IBTK: variants seen among roughly 807,000 people sequenced by gnomAD.
IBTK encodes BTK-binding protein.
A neutral mutation model predicts 154.9 loss-of-function variants in IBTK; 83 were observed. That is an observed-to-expected ratio of 0.54 (90% CI 0.45 to 0.64). IBTK has a LOEUF of 0.64. IBTK is among the 30% of genes least tolerant of loss of function. The pLI, the probability that IBTK is intolerant of heterozygous loss-of-function variation, is 0.00. For missense variants in IBTK, 1,332 were observed against 1,584.6 expected (o/e 0.84, Z 2.71); for synonymous variants, 515 against 536.1 (o/e 0.96, Z 0.54).
intron 3 of IBTK, among the ~76,000 whole-genome samples, chr6:82,233,281 C>T (rs1478938696): frequency 1.3e-5 from 2 of 151,938 alleles, no homozygotes; most frequent in African/African-American, 4.8e-5. Flanking sequence ...GAGCCGTGTT[C>T]TTGCCACTGC....
chr6:82,186,140 C>T (rs528030884), intron 25 of IBTK, among the ~76,000 whole-genome samples: 8 of 152,008 alleles, frequency 5.3e-5, no homozygotes, highest in Non-Finnish European at 1.2e-4. Flanking sequence ...TGTTTGTTTT[C>T]TGACTGTTAC....
chr6:82,214,334 C>T lies in IBTK; in HGVS notation c.2097G>A (p.Lys699=). ...CTTTTTTACAAGATTTAGGTTTGCT[C>T]TTCTGCCTCTCACTAACTGTTTGAG... ...NQAQTVSERQ[K]SKPKSCKKGK... The change falls in exon 12 of 29, where the codon AAG becomes AAA. Residue 699 remains lysine (K), a synonymous_variant. Coordinates refer to ENST00000306270, the MANE Select transcript of IBTK (RefSeq NM_015525.4). The T allele has an allele frequency of 6.2e-7, 1 of 1,614,072 alleles. No individual in the cohort carries two copies. Among genetic ancestry groups the T allele is most frequent in the Non-Finnish European group, 8.5e-7 (1 of 1,179,992 alleles).
At position 82,200,137 on chromosome 6, in the gene IBTK, G is replaced by A. The variant is rs1359987540; in HGVS notation, c.3025+4C>T. 13 of 1,552,192 alleles carry A rather than the reference G, an allele frequency of 8.4e-6. No homozygotes were observed. The highest frequency in any genetic ancestry group is 9.7e-6 in the Non-Finnish European group (11 of 1,129,560). ...CTGGAAATACATGCTCACTTTCCAC[G>A]AACCTGTAGATGATGGACTCTGAAT... On this transcript the variant is annotated splice_donor_region_variant and intron_variant, in intron 21 of 28. Coordinates refer to ENST00000306270, the MANE Select transcript of IBTK (RefSeq NM_015525.4).
At chr6:82,237,523 C>T (rs1253474629) in intron 2 of IBTK, among the ~76,000 whole-genome samples, 1 of 151,444 alleles carries the variant, frequency 6.6e-6, no homozygotes, top group Non-Finnish European at 1.5e-5. Context: ...AATAATTTGT[C>T]CACGATGATT....
At chr6:82,244,029 A>G (rs1771053044) in intron 1 of IBTK, among the ~76,000 whole-genome samples, 1 of 152,194 alleles carries the variant, frequency 6.6e-6, no homozygotes, top group Non-Finnish European at 1.5e-5. Context: ...ACATAGATTC[A>G]AATATAGCAA....
At chr6:82,202,695 C>A in intron 17 of IBTK, 50 bp from the exon 18 acceptor site, 1 of 927,054 alleles carries the variant, frequency 1.1e-6, no homozygotes, top group Admixed American at 2.4e-5. Context: ...CACATTACCA[C>A]AGCAAAATAA....
intron 2 of IBTK, among the ~76,000 whole-genome samples, chr6:82,238,980 C>T (rs978728352): frequency 6.6e-6 from 1 of 151,498 alleles, no homozygotes; most frequent in African/African-American, 2.4e-5. Context: ...CTCAAGTGAT[C>T]GGCCCACCTC....
At chr6:82,206,145 T>C (rs74761757) in intron 16 of IBTK, among the ~76,000 whole-genome samples, 1,806 of 152,328 alleles carry the variant, frequency 0.012, 31 homozygotes, top group African/African-American at 0.039. Flanking sequence ...TTCAGGACAC[T>C]GCAGCCTTTC....
intron 8 of IBTK, among the ~76,000 whole-genome samples, chr6:82,222,111 A>G (rs892248471): frequency 8.6e-5 from 13 of 151,608 alleles, no homozygotes; most frequent in Non-Finnish European, 1.8e-4. Context: ...CGGGGGTTGC[A>G]GTGAGCATAG....
chr6:82,200,055 T>G lies in IBTK; in HGVS notation c.3025+86A>C, dbSNP rs1284770077. The G allele has an allele frequency of 7.0e-6, 6 of 861,288 alleles. No homozygotes were observed. The Admixed American group carries it at 1.1e-4, about 16-fold the overall frequency. 53.4% of individuals were successfully genotyped at this position (861,288 alleles called of 1,614,324 possible). On this transcript the variant is annotated intron_variant, in intron 21 of 28. Transcript: ENST00000306270. ...ACTTTTGGTACCTCCATAAGGACTGTTTATTTCAGTAGCCCCAGCAGATGA... is the reference window on the plus strand; with the variant it reads ...ACTTTTGGTACCTCCATAAGGACTGGTTATTTCAGTAGCCCCAGCAGATGA...
chr6:82,227,240 A>T lies in IBTK; in HGVS notation c.606T>A (p.Gly202=). The change falls in exon 5 of 29, where the codon GGT becomes GGA. Residue 202 remains glycine (G), a synonymous_variant. Transcript: ENST00000306270. The stretch of plus-strand genomic sequence containing the variant: ...GTCCTAATCGCCCTCCAGGACCATG[A>T]CCACAGGTATAAACCTGCCCTTTCT... ...LSQKGQVYTC[G]HGPGGRLGHG... 1.2e-6 allele frequency: 2 copies of T among 1,613,200 alleles called. No individual in the cohort carries two copies. Among genetic ancestry groups the T allele is most frequent in the Non-Finnish European group, 1.7e-6 (2 of 1,179,488 alleles).
chr6:82,245,483 G>C (rs1362445715), intron 1 of IBTK, among the ~76,000 whole-genome samples: 1 of 152,084 alleles, frequency 6.6e-6, no homozygotes, highest in Non-Finnish European at 1.5e-5. Context: ...CTTAAAACTG[G>C]TCAGTCAAGG....
intron 2 of IBTK, among the ~76,000 whole-genome samples, chr6:82,238,978 A>G (rs1426310787): frequency 6.6e-6 from 1 of 151,268 alleles, no homozygotes; most frequent in Non-Finnish European, 1.5e-5. Context: ...ACCTCAAGTG[A>G]TCGGCCCACC....
At chr6:82,188,586 C>CAGAG (rs1363549850) in intron 25 of IBTK, among the ~76,000 whole-genome samples, 1 of 151,994 alleles carries the variant, frequency 6.6e-6, no homozygotes, top group Non-Finnish European at 1.5e-5. Context: ...CTACAGAGTA[C>CAGAG]AGAGATCTTC....
chr6:82,196,801 C>A (rs576610325), intron 21 of IBTK, among the ~76,000 whole-genome samples: 1 of 152,154 alleles, frequency 6.6e-6, no homozygotes, highest in Non-Finnish European at 1.5e-5. Flanking sequence ...AAAATCCAGA[C>A]CTCTTTTCCC....
At chr6:82,231,907 T>A in intron 3 of IBTK, 65 bp from the exon 4 acceptor site, 1 of 877,288 alleles carries the variant, frequency 1.1e-6, no homozygotes, top group Non-Finnish European at 1.7e-6. Flanking sequence ...CTAATTTAAC[T>A]ACAATATTTA....
chr6:82,192,319 A>C (rs1758150609), intron 23 of IBTK, among the ~76,000 whole-genome samples: 1 of 152,216 alleles, frequency 6.6e-6, no homozygotes, highest in Admixed American at 6.5e-5. Context: ...TATTTTTAAC[A>C]AACAAAACTC....
intron 13 of IBTK, among the ~76,000 whole-genome samples, 178 bp from the exon 14 acceptor site, chr6:82,211,750 T>C (rs770595309): frequency 6.6e-6 from 1 of 151,604 alleles, no homozygotes; most frequent in Non-Finnish European, 1.5e-5. Flanking sequence ...ATAAGGGCCT[T>C]AGAGTAAAGA....
At chr6:82,239,491 A>G (rs1770858638) in intron 2 of IBTK, among the ~76,000 whole-genome samples, 1 of 152,296 alleles carries the variant, frequency 6.6e-6, no homozygotes, top group South Asian at 2.1e-4. Flanking sequence ...GTTATTTAAG[A>G]ATAAATCATT....
Sources: allele counts gnomAD v4.1 joint callset (sites outside exome capture counted in the v4.1 genomes callset), GRCh38; gene constraint gnomAD v4.1.1; transcripts MANE v1.5; gene names NCBI Gene and HGNC (gene_info 2026-07-23, HGNC 2026-07-21).